Variants in STX8 observed in about 807,000 individuals in gnomAD.
STX8 encodes syntaxin-8.
STX8 carries 23 observed loss-of-function variants against 37.5 expected under a neutral mutation model. The observed-to-expected ratio is 0.61, with a 90% CI of 0.44 to 0.87. The LOEUF (loss-of-function observed/expected upper bound fraction) is 0.87. Among genes scored for constraint, STX8 ranks in the 40% least tolerant of loss-of-function variants. STX8 has a pLI of 0.00. For synonymous variants in STX8, 115 were observed against 99.1 expected (o/e 1.16, Z -0.95); for missense variants, 313 against 284.7 (o/e 1.10, Z -0.71).
intron 4 of STX8, among the ~76,000 whole-genome samples, chr17:9,512,284 C>T (rs759226796): frequency 2.0e-4 from 31 of 152,172 alleles, no homozygotes; most frequent in South Asian, 1.0e-3. Context: ...AAGAGACAAG[C>T]GATCCTAAGC....
chr17:9,558,119 G>GA (rs760052527), intron 2 of STX8, among the ~76,000 whole-genome samples: 4 of 152,150 alleles, frequency 2.6e-5, no homozygotes, highest in Non-Finnish European at 5.9e-5. Context: ...CATCCTACAG[G>GA]AAATTTTTGT....
chr17:9,333,641 G>A (rs894271236), intron 7 of STX8, among the ~76,000 whole-genome samples: 3 of 152,172 alleles, frequency 2.0e-5, no homozygotes, highest in Admixed American at 6.5e-5. Flanking sequence ...CGCCCGCCTT[G>A]GCCTCCCAAA....
chr17:9,263,744 T>C (rs1007963331), intron 7 of STX8, among the ~76,000 whole-genome samples: 6 of 152,236 alleles, frequency 3.9e-5, no homozygotes, highest in Admixed American at 2.6e-4. Flanking sequence ...TTCCTACATA[T>C]GGAATCCTGG....
chr17:9,352,368 C>T (rs1910734553), intron 7 of STX8, among the ~76,000 whole-genome samples: 1 of 150,844 alleles, frequency 6.6e-6, no homozygotes, highest in Admixed American at 6.6e-5. Context: ...AATCCTGAAA[C>T]AATTACTGGT....
intron 2 of STX8, 79 bp downstream of exon 2, chr17:9,568,292 G>T: frequency 1.9e-6 from 2 of 1,031,304 alleles, no homozygotes; most frequent in Non-Finnish European, 2.9e-6. Context: ...TGCACAGACA[G>T]CCTCAAAGAA....
intron 6 of STX8, among the ~76,000 whole-genome samples, chr17:9,446,858 T>C (rs1020794641): frequency 2.6e-5 from 4 of 152,194 alleles, no homozygotes; most frequent in South Asian, 4.1e-4. Flanking sequence ...TTTGTAACAA[T>C]GTATGAAGAG....
At chr17:9,547,785 T>C (rs563419061) in intron 3 of STX8, among the ~76,000 whole-genome samples, 264 of 83,090 alleles carry the variant, frequency 3.2e-3, no homozygotes, top group African/African-American at 0.013. Context: ...TTCTTTTCTT[T>C]TTTTTTTTTT....
intron 6 of STX8, among the ~76,000 whole-genome samples, chr17:9,452,040 A>G (rs1036019613): frequency 1.3e-5 from 2 of 152,244 alleles, no homozygotes; most frequent in African/African-American, 4.8e-5. Context: ...GAGTCAAATA[A>G]TAATGTGTAA....
At chr17:9,339,471 G>A (rs1460548040) in intron 7 of STX8, among the ~76,000 whole-genome samples, 8 of 151,984 alleles carry the variant, frequency 5.3e-5, no homozygotes, top group African/African-American at 1.2e-4. Context: ...TGGCTAATAC[G>A]GTGAAACCCT....
rs763457544 is a variant in STX8, at chr17:9,250,587, C to T, written c.702G>A (p.Pro234=). 26 of 1,594,628 alleles carry T rather than the reference C, an allele frequency of 1.6e-5. No individual in the cohort carries two copies. Among genetic ancestry groups the T allele is most frequent in the East Asian group, 2.2e-5 (1 of 44,450 alleles). The change falls in exon 8 of 8, where the codon CCG becomes CCA. Residue 234 remains proline, a synonymous_variant. Transcript: ENST00000306357. ...LVAIVVVAVW[P]TN is the part of the protein sequence containing the mutation. The stretch of plus-strand genomic sequence containing the variant: ...GGTCTCTTTACTGCCATCAGTTGGT[C>T]GGCCAGACTGCAACAACCACGATAG...
At chr17:9,325,797 C>T (rs1909733629) in intron 7 of STX8, among the ~76,000 whole-genome samples, 1 of 152,244 alleles carries the variant, frequency 6.6e-6, no homozygotes, top group Non-Finnish European at 1.5e-5. Context: ...AGAGGCAGGG[C>T]CACATGGGCC....
intron 4 of STX8, among the ~76,000 whole-genome samples, chr17:9,519,208 G>A (rs1372004185): frequency 2.0e-5 from 3 of 152,086 alleles, no homozygotes; most frequent in African/African-American, 4.8e-5. Flanking sequence ...ATCTGCATTT[G>A]TGTCTTTTCA....
At chr17:9,384,653 C>CAA (rs2142293128) in intron 6 of STX8, among the ~76,000 whole-genome samples, 1 of 151,846 alleles carries the variant, frequency 6.6e-6, no homozygotes, top group African/African-American at 2.4e-5. Context: ...CAAAACAAAA[C>CAA]AAAACAAAAC....
chr17:9,310,368 C>T (rs1909150610), intron 7 of STX8, among the ~76,000 whole-genome samples: 1 of 151,956 alleles, frequency 6.6e-6, no homozygotes, highest in Non-Finnish European at 1.5e-5. Context: ...TGCTAACTCT[C>T]TAAGTAAAGC....
At chr17:9,412,521 C>T (rs1181722275) in intron 6 of STX8, among the ~76,000 whole-genome samples, 3 of 152,136 alleles carry the variant, frequency 2.0e-5, no homozygotes, top group Non-Finnish European at 2.9e-5. Context: ...TCAGGTGATC[C>T]GCCCATCTCG....
rs1198292053 is a variant in STX8, at chr17:9,252,408, C to T, written c.644-1763G>A. Among the ~76,000 whole-genome samples the T allele has an allele frequency of 3.3e-5, 5 of 150,824 alleles. No individual in the cohort carries two copies. In the South Asian group the frequency reaches 8.4e-4, roughly 25 times the overall value. On this transcript the variant is annotated intron_variant, in intron 7 of 7. Coordinates refer to ENST00000306357, the MANE Select transcript of STX8 (RefSeq NM_004853.3). Reference sequence around the variant, plus strand: ...GCAGTGAGCCGAGATTGCGCCACTGCACTCCAAACTGGGCAACAGAGCAAG... The same window carrying T: ...GCAGTGAGCCGAGATTGCGCCACTGTACTCCAAACTGGGCAACAGAGCAAG...
chr17:9,374,227 G>A (rs748784607), intron 7 of STX8, among the ~76,000 whole-genome samples: 2 of 151,882 alleles, frequency 1.3e-5, no homozygotes, highest in African/African-American at 2.4e-5. Flanking sequence ...GACTACAGGC[G>A]TGTACCACCA....
chr17:9,285,574 C>G (rs55729831), intron 7 of STX8, among the ~76,000 whole-genome samples: 31,747 of 152,152 alleles, frequency 0.21, 3,436 homozygotes, highest in Middle Eastern at 0.29. Flanking sequence ...GAACATTACA[C>G]ACAATGAGAT....
chr17:9,418,907 C>G (rs1355225266), intron 6 of STX8, among the ~76,000 whole-genome samples: 21 of 148,430 alleles, frequency 1.4e-4, no homozygotes, highest in Non-Finnish European at 2.8e-4. Flanking sequence ...CCCACACCCC[C>G]CCCTCTTTTT....
Sources: allele counts gnomAD v4.1 joint callset (sites outside exome capture counted in the v4.1 genomes callset), GRCh38; gene constraint gnomAD v4.1.1; transcripts MANE v1.5; gene names NCBI Gene and HGNC (gene_info 2026-07-23, HGNC 2026-07-21).